The following SLC10A4 variants were observed in gnomAD, a reference collection of about 807,000 sequenced individuals.
The protein encoded by SLC10A4 is putative sodium/bile acid cotransporter 4.
SLC10A4 carries 17 observed loss-of-function variants against 22.5 expected under a neutral mutation model. That is an observed-to-expected ratio of 0.76 (90% CI 0.52 to 1.14). The LOEUF (loss-of-function observed/expected upper bound fraction) is 1.14. Among genes scored for constraint, SLC10A4 ranks in the 50% most tolerant of loss-of-function variants. The probability of loss-of-function intolerance (pLI) is 0.00; values close to 1 mark genes in which losing one functional copy is unlikely to be tolerated. For missense variants in SLC10A4, 548 were observed against 584.0 expected (o/e 0.94, Z 0.64); for synonymous variants, 257 against 258.2 (o/e 1.00, Z 0.04).
intron 2 of SLC10A4, among the ~76,000 whole-genome samples, chr4:48,486,618 C>T (rs79404995): frequency 0.029 from 4,422 of 151,640 alleles, 73 homozygotes; most frequent in Admixed American, 0.047. Context: ...TATTAAGAAA[C>T]GGTTTATATA....
Position 48,483,990 on chromosome 4 carries a change from G to T in SLC10A4, c.429G>T (p.Ala143=), listed in dbSNP as rs775987776. The stretch of plus-strand genomic sequence containing the variant: ...GGCCCGTGGGCGCGCTGCTGGCAGC[G>T]CTCTGCCAGTTCGGCCTCCTGCCGC... The part of the protein sequence containing the change: ...VRRPVGALLA[A]LCQFGLLPLL... Residue 143 remains alanine, a synonymous_variant, in exon 1 of 3, where the codon GCG becomes GCT. Transcript: ENST00000273861. This position sits in a 1 kb window ranked among gnomAD's most constrained non-coding sequence, Gnocchi z 5.4. The T allele has an allele frequency of 1.9e-6, 3 of 1,568,394 alleles. No individual in the cohort carries two copies. The South Asian group carries it at 3.4e-5, about 18-fold the overall frequency.
chr4:48,486,212 TAG>T (rs1718279467), intron 2 of SLC10A4, among the ~76,000 whole-genome samples: 1 of 152,080 alleles, frequency 6.6e-6, no homozygotes. Flanking sequence ...ATATGAAAAG[TAG>T]AGAGTTCTTT....
Position 48,489,090 on chromosome 4 carries a change from C to T in SLC10A4, c.*151C>T. ...TTTTTAAGGTTCACTGGTGTATTAA[C>T]CAAACGTTGTCACAAATTACAAATC... is the stretch of plus-strand genomic sequence containing the variant. On this transcript the variant is annotated 3_prime_UTR_variant, in exon 3 of 3. Transcript: ENST00000273861. 1.1e-6 allele frequency: 1 copy of T among 885,184 alleles called. No homozygotes were observed. The highest frequency in any genetic ancestry group is 1.7e-6 in the Non-Finnish European group (1 of 604,820). The allele number at this position is 885,184 out of a possible 1,614,324, so 54.8% of individuals were successfully genotyped here.
chr4:48,489,468 A>T lies in SLC10A4; in HGVS notation c.*529A>T, dbSNP rs1718349038. ...TATCAGAGAAAAGTTACATTAATGT[A>T]TTTGATTACTTGATCTGGTATCTAC... On this transcript the variant is annotated 3_prime_UTR_variant, in exon 3 of 3. Coordinates refer to ENST00000273861, the MANE Select transcript of SLC10A4 (RefSeq NM_152679.4). 1.3e-5 allele frequency among the ~76,000 whole-genome samples: 2 copies of T among 152,364 alleles called. No individual in the cohort carries two copies. Among genetic ancestry groups the T allele is most frequent in the African/African-American group, 4.8e-5 (2 of 41,590 alleles).
Position 48,483,528 on chromosome 4 carries a change from G to A in SLC10A4, c.-34G>A. The A allele has an allele frequency of 1.2e-5, 17 of 1,470,462 alleles. No homozygotes were observed. The highest frequency in any genetic ancestry group is 1.5e-5 in the Non-Finnish European group (17 of 1,112,546). The allele number at this position is 1,470,462 out of a possible 1,614,324, so 91.1% of individuals were successfully genotyped here. A position where few individuals can be genotyped will look rare whatever the true frequency, so the allele number is the denominator to read the frequency against. On this transcript the variant is annotated 5_prime_UTR_variant, in exon 1 of 3. Transcript: ENST00000273861. The surrounding 1 kb of genome is among the most constrained non-coding windows in gnomAD (Gnocchi z 5.4). ...GCGGGACGGCGAGAGGCACGCGGCG[G>A]GAGGGGACCGGAATCCGCAGCTCCG... is the stretch of plus-strand genomic sequence containing the variant.
chr4:48,483,913 C>G lies in SLC10A4; in HGVS notation c.352C>G (p.Leu118Val). Residue 118 changes from leucine to valine, a missense_variant, in exon 1 of 3, where the codon CTG becomes GTG. Physicochemically the swap from Leu to Val is conservative, Grantham distance 32. Around this residue, in one of 3 missense-constraint regions of SLC10A4, gnomAD observed 225 missense variants for 206.9 expected, o/e 1.09. Coordinates refer to ENST00000273861, the MANE Select transcript of SLC10A4 (RefSeq NM_152679.4). The surrounding 1 kb of genome is among the most constrained non-coding windows in gnomAD (Gnocchi z 5.4). The part of the protein sequence containing the change: ...FVGAALCITM[L>V]GLGCTVDVNH... Reference sequence around the variant, plus strand: ...GGGCGCCGCCCTGTGCATCACCATGCTGGGCCTGGGCTGCACGGTGGACGT... The same window carrying G: ...GGGCGCCGCCCTGTGCATCACCATGGTGGGCCTGGGCTGCACGGTGGACGT... 1 of 1,544,306 alleles carries G rather than the reference C, an allele frequency of 6.5e-7. No homozygotes were observed. The highest frequency in any genetic ancestry group is 8.7e-7 in the Non-Finnish European group (1 of 1,146,042).
Position 48,483,997 on chromosome 4 carries a change from C to T in SLC10A4, c.436C>T (p.Gln146Ter). 3 of 1,575,846 alleles carry T rather than the reference C, an allele frequency of 1.9e-6. No individual in the cohort carries two copies. The highest frequency in any genetic ancestry group is 2.6e-6 in the Non-Finnish European group (3 of 1,164,332). The change falls in exon 1 of 3, where the codon CAG becomes TAG. Residue 146 changes from glutamine (Q) to a stop codon, truncating the protein, a stop_gained. Coordinates refer to ENST00000273861, the MANE Select transcript of SLC10A4 (RefSeq NM_152679.4). LOFTEE classifies it high-confidence loss of function. This position sits in a 1 kb window ranked among gnomAD's most constrained non-coding sequence, Gnocchi z 5.4. ...GGGCGCGCTGCTGGCAGCGCTCTGC[C>T]AGTTCGGCCTCCTGCCGCTGCTGGC... ...PVGALLAALC[Q>*]FGLLPLLAFL...
In SLC10A4 at chr4:48,488,548, C is replaced by T. The variant is rs1173723238; in HGVS notation, c.923C>T (p.Pro308Leu). The T allele has an allele frequency of 6.2e-7, 1 of 1,613,836 alleles. No individual in the cohort carries two copies. The highest frequency in any genetic ancestry group is 1.7e-5 in the Admixed American group (1 of 59,978). Residue 308 changes from proline (P) to leucine (L), a missense_variant, in exon 3 of 3, where the codon CCT becomes CTT. By Grantham distance (98) the Pro-to-Leu change is moderately conservative. This residue lies in a region of SLC10A4 where 314 missense variants were observed against 353.2 expected (regional missense o/e 0.89). Transcript: ENST00000273861. The stretch of plus-strand genomic sequence containing the variant: ...GTTTATGTGATAGCAATTTTTATGC[C>T]TTTGGCAGGCTACGCTTCAGGTTAT... ...AAVYVIAIFM[P>L]LAGYASGYGL...
chr4:48,483,813 G>A lies in SLC10A4; in HGVS notation c.252G>A (p.Pro84=). Residue 84 remains proline, a synonymous_variant, in exon 1 of 3, where the codon CCG becomes CCA. Coordinates refer to ENST00000273861, the MANE Select transcript of SLC10A4 (RefSeq NM_152679.4). The surrounding 1 kb of genome is among the most constrained non-coding windows in gnomAD (Gnocchi z 5.4). ...AGGAASHGPS[P]FPRPWAPHAL... Reference sequence around the variant, plus strand: ...GCGCGGCGAGCCACGGCCCTTCCCCGTTCCCTCGGCCCTGGGCGCCCCACG... The same window carrying A: ...GCGCGGCGAGCCACGGCCCTTCCCCATTCCCTCGGCCCTGGGCGCCCCACG... 11 of 1,524,554 alleles carry A rather than the reference G, an allele frequency of 7.2e-6. No individual in the cohort carries two copies. The highest frequency in any genetic ancestry group is 9.6e-6 in the Non-Finnish European group (11 of 1,140,870). The allele number at this position is 1,524,554 out of a possible 1,614,324, so 94.4% of individuals were successfully genotyped here. A position where few individuals can be genotyped will look rare whatever the true frequency, so the allele number is the denominator to read the frequency against.
At chr4:48,487,534 G>T (rs2148672406) in intron 2 of SLC10A4, among the ~76,000 whole-genome samples, 1 of 152,290 alleles carries the variant, frequency 6.6e-6, no homozygotes, top group Admixed American at 6.5e-5. Context: ...ACATCCACTT[G>T]TCTGCTCTGA....
Position 48,483,680 on chromosome 4 carries a change from C to G in SLC10A4, c.119C>G (p.Ser40Cys). Residue 40 changes from serine (S) to cysteine (C), a missense_variant, in exon 1 of 3, where the codon TCC (serine) becomes TGC (cysteine). Transcript: ENST00000273861. This position sits in a 1 kb window ranked among gnomAD's most constrained non-coding sequence, Gnocchi z 5.4. ...PGTDLALAPA[S>C]SAGPGPGLSL... ...ACGGACCTCGCCCTCGCCCCTGCCT[C>G]CAGCGCCGGCCCCGGCCCTGGGCTC... is the stretch of plus-strand genomic sequence containing the variant. The G allele has an allele frequency of 6.8e-7, 1 of 1,475,056 alleles. No individual in the cohort carries two copies. The highest frequency in any genetic ancestry group is 8.9e-7 in the Non-Finnish European group (1 of 1,118,556). The allele number at this position is 1,475,056 out of a possible 1,614,324, so 91.4% of individuals were successfully genotyped here.
Position 48,483,607 on chromosome 4 carries a change from C to A in SLC10A4, c.46C>A (p.Arg16=). The change falls in exon 1 of 3, where the codon CGG becomes AGG. Residue 16 remains arginine (R), a synonymous_variant. Coordinates refer to ENST00000273861, the MANE Select transcript of SLC10A4 (RefSeq NM_152679.4). The surrounding 1 kb of genome is among the most constrained non-coding windows in gnomAD (Gnocchi z 5.4). ...GACCCTGCTCTTCGCCCCTCTGCTG[C>A]GGGACAACTACACCCTGGCGCCCAA... ...NVTLLFAPLL[R]DNYTLAPNAS... 6.7e-7 allele frequency: 1 copy of A among 1,502,930 alleles called. No homozygotes were observed. Among genetic ancestry groups the A allele is most frequent in the Non-Finnish European group, 8.9e-7 (1 of 1,129,720 alleles). 93.1% of individuals were successfully genotyped at this position (1,502,930 alleles called of 1,614,324 possible).
chr4:48,484,096 G>A lies in SLC10A4; in HGVS notation c.535G>A (p.Gly179Ser), dbSNP rs776277671. The change falls in exon 1 of 3, where the codon GGC (glycine) becomes AGC (serine). Residue 179 changes from glycine (G) to serine (S), a missense_variant. By Grantham distance (56) the Gly-to-Ser change is moderately conservative. This residue lies in a region of SLC10A4 where 314 missense variants were observed against 353.2 expected (regional missense o/e 0.89). Coordinates refer to ENST00000273861, the MANE Select transcript of SLC10A4 (RefSeq NM_152679.4). ...VAVLLCGCCP[G>S]GNLSNLMSLL... ...GGTGCTCCTGTGTGGCTGCTGTCCC[G>A]GCGGCAATCTCTCCAATCTTATGTC... 6.9e-5 allele frequency: 111 copies of A among 1,604,688 alleles called. No individual in the cohort carries two copies. The highest frequency in any genetic ancestry group is 8.6e-5 in the Non-Finnish European group (101 of 1,177,130).
intron 2 of SLC10A4, among the ~76,000 whole-genome samples, chr4:48,485,827 A>G (rs1039413069): frequency 1.3e-5 from 2 of 152,214 alleles, no homozygotes; most frequent in Admixed American, 6.5e-5. Flanking sequence ...GGGGATTTCT[A>G]TAATTTGTGC....
rs533011020 is a variant in SLC10A4 at position 48,489,247 on chromosome 4, A to G, written c.*308A>G. The G allele has an allele frequency of 4.4e-6, 1 of 224,828 alleles. No individual in the cohort carries two copies. The highest frequency in any genetic ancestry group is 1.3e-4 in the South Asian group (1 of 7,490). The allele number at this position is 224,828 out of a possible 1,614,324, so 13.9% of individuals were successfully genotyped here. ...ATCTATTAGAAAACAGGGTCTTGGA[A>G]ATGTAGAATTTTGGCGCACTATGAG... On this transcript the variant is annotated 3_prime_UTR_variant, in exon 3 of 3. Transcript: ENST00000273861.
chr4:48,486,167 A>G (rs1427021083), intron 2 of SLC10A4, among the ~76,000 whole-genome samples: 1 of 152,164 alleles, frequency 6.6e-6, no homozygotes, highest in Non-Finnish European at 1.5e-5. Context: ...CTTATTTTCT[A>G]AAGTAATTTG....
chr4:48,488,320 C>A, intron 2 of SLC10A4, 107 bp from the exon 3 acceptor site: 1 of 1,000,960 alleles, frequency 1.0e-6, no homozygotes, highest in Non-Finnish European at 1.4e-6. Context: ...TCAAAGGTCT[C>A]CATTTTGTGT....
chr4:48,485,976 A>G (rs1718275640), intron 2 of SLC10A4, among the ~76,000 whole-genome samples: 1 of 152,196 alleles, frequency 6.6e-6, no homozygotes, highest in Non-Finnish European at 1.5e-5. Context: ...TGAAAATTCA[A>G]AAACAGTAGC....
At position 48,484,913 on chromosome 4, in the gene SLC10A4, C is replaced by T. The variant is rs1219964559; in HGVS notation, c.591-19C>T. ...GACTCAAAGCTCGTTCTGATTTCTG[C>T]ACATTCCCTTTTCTGCAGCATCATC... On this transcript the variant is annotated intron_variant, in intron 1 of 2. Coordinates refer to ENST00000273861, the MANE Select transcript of SLC10A4 (RefSeq NM_152679.4). 8.1e-6 allele frequency: 13 copies of T among 1,606,276 alleles called. No homozygotes were observed. Among genetic ancestry groups the T allele is most frequent in the Non-Finnish European group, 1.1e-5 (13 of 1,174,978 alleles).
Sources: allele counts gnomAD v4.1 joint callset (sites outside exome capture counted in the v4.1 genomes callset), GRCh38; gene constraint gnomAD v4.1.1; regional missense constraint gnomAD v4.1.1; non-coding constraint Gnocchi (gnomAD v3.1); transcripts MANE v1.5; gene names NCBI Gene and HGNC (gene_info 2026-07-23, HGNC 2026-07-21).